Variants in CDYL observed in about 807,000 individuals in gnomAD.
CDYL encodes chromodomain Y like.
In CDYL, 8 loss-of-function variants were observed where a neutral mutation model predicts 47.3. That is an observed-to-expected ratio of 0.17 (90% CI 0.10 to 0.31). The LOEUF (loss-of-function observed/expected upper bound fraction) is 0.31, where lower values mean the gene tolerates loss of function less well. Ranked by LOEUF, CDYL falls within the 10% of genes least tolerant of loss-of-function variation. The pLI, the probability that CDYL is intolerant of heterozygous loss-of-function variation, is 1.00. For synonymous variants in CDYL, 266 were observed against 265.0 expected, an observed-to-expected ratio of 1.00 and a Z score of -0.04; for missense variants, 471 against 701.4, an observed-to-expected ratio of 0.67 and a Z score of 3.71.
chr6:4,717,766 G>A (rs1010302382), intron 2 of CDYL, among the ~76,000 whole-genome samples: 1 of 136,426 alleles, frequency 7.3e-6, no homozygotes, highest in Non-Finnish European at 1.6e-5. Flanking sequence ...GATTTTTGTT[G>A]TTTTGTTAGG....
intron 1 of CDYL, among the ~76,000 whole-genome samples, chr6:4,807,416 A>C (rs1465295212): frequency 6.6e-6 from 1 of 152,112 alleles, no homozygotes. Context: ...CTGTGAAAAT[A>C]GGGCATTTCT....
At chr6:4,835,427 T>G (rs1302416406) in intron 1 of CDYL, among the ~76,000 whole-genome samples, 1 of 152,188 alleles carries the variant, frequency 6.6e-6, no homozygotes, top group Non-Finnish European at 1.5e-5. Context: ...ATCGTTCCCC[T>G]GGAAGTTTTG....
At chr6:4,775,380 G>A (rs929686856), upstream of CDYL, 8 of 151,606 alleles carry the variant, frequency 5.3e-5, no homozygotes, top group African/African-American at 1.7e-4. This position sits in a 1 kb window ranked among gnomAD's most constrained non-coding sequence, Gnocchi z 7.0. Context: ...TGCCCTGGCA[G>A]TAGATCTTCC....
In CDYL at chr6:4,791,212, G is replaced by C. The variant is rs559832592; in HGVS notation, c.24+14405G>C. Among the ~76,000 whole-genome samples the C allele has an allele frequency of 4.6e-5, 7 of 152,300 alleles. No homozygotes were observed. In the South Asian group the frequency reaches 1.4e-3, roughly 32 times the overall value. On this transcript the variant is annotated intron_variant, in intron 1 of 6. Transcript: ENST00000397588. ...TTTGTCATCAATACCACTGTTCACT[G>C]TATAACCGATTCCATAGGCTCAGAG...
upstream of CDYL, among the ~76,000 whole-genome samples, chr6:4,775,917 G>C (rs1432409277): frequency 6.7e-6 from 1 of 150,186 alleles, no homozygotes; most frequent in Admixed American, 6.6e-5. This position sits in a 1 kb window ranked among gnomAD's most constrained non-coding sequence, Gnocchi z 7.0. Context: ...GGCCGCTGCC[G>C]TCGGGGCGGT....
chr6:4,933,454 C>G (rs1005109646), intron 2 of CDYL, among the ~76,000 whole-genome samples: 4 of 152,136 alleles, frequency 2.6e-5, no homozygotes, highest in African/African-American at 9.7e-5. Flanking sequence ...TCAGAAGGTT[C>G]CTGGCCATGT....
chr6:4,708,128 T>C (rs1757079315), intron 1 of CDYL, among the ~76,000 whole-genome samples: 1 of 146,858 alleles, frequency 6.8e-6, no homozygotes, highest in South Asian at 2.2e-4. Context: ...AAAAGAATGT[T>C]TTCTGTTTGT....
intron 2 of CDYL, among the ~76,000 whole-genome samples, chr6:4,725,332 C>A (rs1405774003): frequency 2.0e-5 from 3 of 152,254 alleles, no homozygotes; most frequent in Non-Finnish European, 4.4e-5. Context: ...TGCGCCCACA[C>A]TCCTCAGCCC....
chr6:4,873,231 T>C (rs1761524795), intron 1 of CDYL, among the ~76,000 whole-genome samples: 1 of 152,226 alleles, frequency 6.6e-6, no homozygotes, highest in South Asian at 2.1e-4. Context: ...GGCTTAACTT[T>C]TTTTTCACTG....
At chr6:4,726,913 A>C (rs915363694) in intron 2 of CDYL, among the ~76,000 whole-genome samples, 1 of 152,052 alleles carries the variant, frequency 6.6e-6, no homozygotes, top group Non-Finnish European at 1.5e-5. Context: ...ATAATGGGTG[A>C]CTCATTGATT....
upstream of CDYL, chr6:4,774,820 G>A (rs1459638019): frequency 1.3e-5 from 2 of 152,330 alleles, no homozygotes; most frequent in African/African-American, 4.8e-5. Context: ...CGCTTGAAGA[G>A]GGAGTTACCG....
At chr6:4,943,491 C>G in intron 4 of CDYL, 55 bp from the exon 5 acceptor site, 1 of 1,252,814 alleles carries the variant, frequency 8.0e-7, no homozygotes, top group Non-Finnish European at 1.2e-6. Flanking sequence ...ATAGACTTTT[C>G]CTTTGCTCAA....
At chr6:4,934,223 G>T (rs1468287591) in intron 2 of CDYL, among the ~76,000 whole-genome samples, 6 of 152,078 alleles carry the variant, frequency 3.9e-5, no homozygotes, top group Admixed American at 6.5e-5. Flanking sequence ...AGGGCAGGGG[G>T]ATCCTGTGTA....
Position 4,730,671 on chromosome 6 carries a change from T to C in CDYL, c.104-4091T>C, listed in dbSNP as rs1167738051. ...CCTGGGCAACAAGAGCGAAATTCCA[T>C]CTCAAAAAAAAAAAAAAAAAAAAAA... On this transcript the variant is annotated intron_variant, in intron 2 of 8. Coordinates refer to the CDYL transcript ENST00000328908. 8.8e-5 allele frequency among the ~76,000 whole-genome samples: 8 copies of C among 90,938 alleles called. No homozygotes were observed. The Admixed American group carries it at 1.1e-3, about 13-fold the overall frequency. 59.7% of individuals were successfully genotyped at this position (90,938 alleles called of 152,430 possible).
chr6:4,907,357 T>G (rs894676937), intron 2 of CDYL, among the ~76,000 whole-genome samples: 19 of 152,108 alleles, frequency 1.2e-4, no homozygotes, highest in African/African-American at 4.6e-4. Context: ...GGTTTTTGTG[T>G]GTTTTCTTTT....
chr6:4,823,426 A>G (rs959906666), intron 1 of CDYL, among the ~76,000 whole-genome samples: 2 of 152,260 alleles, frequency 1.3e-5, no homozygotes, highest in African/African-American at 4.8e-5. Flanking sequence ...CTTGATTGGC[A>G]TTCATGCATG....
chr6:4,719,923 C>T (rs1056038667), intron 2 of CDYL, among the ~76,000 whole-genome samples: 1 of 152,210 alleles, frequency 6.6e-6, no homozygotes, highest in Non-Finnish European at 1.5e-5. Context: ...AAATTATCCC[C>T]ACTGTGTACA....
At chr6:4,877,176 C>G (rs1324165438) in intron 1 of CDYL, among the ~76,000 whole-genome samples, 1 of 152,182 alleles carries the variant, frequency 6.6e-6, no homozygotes, top group Non-Finnish European at 1.5e-5. Context: ...CCAAATAGAC[C>G]AAGACAGAAG....
At chr6:4,721,831 C>G (rs1014833418) in intron 2 of CDYL, among the ~76,000 whole-genome samples, 2 of 151,910 alleles carry the variant, frequency 1.3e-5, no homozygotes, top group African/African-American at 4.8e-5. Flanking sequence ...TAGTTTCAGA[C>G]ACAGACTTTA....
Sources: allele counts gnomAD v4.1 joint callset (sites outside exome capture counted in the v4.1 genomes callset), GRCh38; gene constraint gnomAD v4.1.1; non-coding constraint Gnocchi (gnomAD v3.1); transcripts MANE v1.5; gene names NCBI Gene and HGNC (gene_info 2026-07-23, HGNC 2026-07-21).